The following PEMT variants were observed in gnomAD, a reference collection of about 807,000 sequenced individuals.
PEMT encodes phosphatidylethanolamine N-methyltransferase, also known as phospholipid methyltransferase.
A neutral mutation model predicts 27.4 loss-of-function variants in PEMT; 23 were observed. The ratio of observed to expected loss-of-function variants is 0.84; its 90% CI spans 0.60 to 1.19. The LOEUF (loss-of-function observed/expected upper bound fraction) is 1.19, where lower values mean the gene tolerates loss of function less well. Among genes scored for constraint, PEMT ranks in the 50% most tolerant of loss-of-function variants. PEMT has a pLI of 0.00. For synonymous variants in PEMT, 137 were observed against 139.1 expected, an observed-to-expected ratio of 0.98 and a Z score of 0.11; for missense variants, 307 against 310.1, an observed-to-expected ratio of 0.99 and a Z score of 0.07.
chr17:17,564,038 T>G (rs1910662997), intron 2 of PEMT, among the ~76,000 whole-genome samples: 1 of 128,530 alleles, frequency 7.8e-6, no homozygotes, highest in Non-Finnish European at 1.9e-5. Flanking sequence ...TTCTTCCTCC[T>G]GAGTCTTGGG....
chr17:17,584,897 G>A (rs1442751229), intron 1 of PEMT, among the ~76,000 whole-genome samples: 1 of 152,216 alleles, frequency 6.6e-6, no homozygotes, highest in African/African-American at 2.4e-5. Context: ...GCCATGGGAC[G>A]CCAGGAGGAT....
chr17:17,558,457 G>A (rs780039702), intron 2 of PEMT, among the ~76,000 whole-genome samples: 7 of 151,810 alleles, frequency 4.6e-5, no homozygotes, highest in Non-Finnish European at 7.4e-5. Flanking sequence ...GCAGTGAGCT[G>A]AGATCGTGCC....
rs1257137006 is a variant in PEMT at position 17,586,208 on chromosome 17, A to AAG, written c.96+5321_96+5322dup. ...AGAAAAAGAAGGAAGGAAAGAAAGA[A>AAG]AGAAAGAAAAAGAAAGAAAGAAAGA... On this transcript the variant is annotated intron_variant, in intron 1 of 6. Transcript: ENST00000255389. 3.5e-5 allele frequency among the ~76,000 whole-genome samples: 5 copies of AAG among 141,718 alleles called. 2 individuals are homozygous for AAG. The highest frequency in any genetic ancestry group is 8.6e-5 in the African/African-American group (3 of 34,868). 93.0% of individuals were successfully genotyped at this position (141,718 alleles called of 152,430 possible).
intron 1 of PEMT, 50 bp downstream of exon 1, chr17:17,591,481 C>T (rs552511649): frequency 2.1e-6 from 3 of 1,461,496 alleles, no homozygotes; most frequent in Non-Finnish European, 1.9e-6. Flanking sequence ...GCCCCTCGGG[C>T]CTTGCAGATC....
chr17:17,547,993 C>A (rs189175021), intron 2 of PEMT, among the ~76,000 whole-genome samples: 4 of 152,196 alleles, frequency 2.6e-5, no homozygotes, highest in Non-Finnish European at 4.4e-5. Context: ...AGAGCCAGTG[C>A]GCAGGCCACC....
At chr17:17,558,096 C>G (rs1451193491) in intron 2 of PEMT, among the ~76,000 whole-genome samples, 1 of 152,178 alleles carries the variant, frequency 6.6e-6, no homozygotes, top group Non-Finnish European at 1.5e-5. Context: ...AGTCCCAGCA[C>G]TTTGGGAGGG....
chr17:17,551,951 C>T (rs887954715), intron 2 of PEMT, among the ~76,000 whole-genome samples: 1 of 152,232 alleles, frequency 6.6e-6, no homozygotes, highest in Non-Finnish European at 1.5e-5. Context: ...GCCTGTAATC[C>T]TTGCACTTTG....
intron 2 of PEMT, among the ~76,000 whole-genome samples, chr17:17,535,497 C>T (rs1342758699): frequency 6.6e-6 from 1 of 150,704 alleles, no homozygotes; most frequent in Non-Finnish European, 1.5e-5. Context: ...ACCCAGGAGA[C>T]GAGGTTACAG....
chr17:17,577,517 G>C (rs1475046480), intron 1 of PEMT: 4 of 999,142 alleles, frequency 4.0e-6, no homozygotes, highest in Non-Finnish European at 4.8e-6. Context: ...GAGTGGGGCG[G>C]GGTAAACTGA....
At chr17:17,518,297 C>CGGGG in intron 3 of PEMT, 3 of 320,536 alleles carry the variant, frequency 9.4e-6, no homozygotes, top group Non-Finnish European at 1.3e-5. Flanking sequence ...CGCCCACCCC[C>CGGGG]GTGGGCTTTC....
chr17:17,589,349 G>C (rs1330730341), intron 1 of PEMT, among the ~76,000 whole-genome samples: 1 of 151,930 alleles, frequency 6.6e-6, no homozygotes, highest in Non-Finnish European at 1.5e-5. Flanking sequence ...AGCTGGTGGA[G>C]GGCATGGTAC....
chr17:17,516,325 C>G (rs1906833325), intron 3 of PEMT, among the ~76,000 whole-genome samples: 1 of 148,980 alleles, frequency 6.7e-6, no homozygotes, highest in Admixed American at 6.6e-5. Context: ...CTATGCAACC[C>G]CCGAGACCAT....
intron 2 of PEMT, among the ~76,000 whole-genome samples, chr17:17,543,432 G>A (rs1909030228): frequency 6.6e-6 from 1 of 152,232 alleles, no homozygotes; most frequent in Non-Finnish European, 1.5e-5. Context: ...CACTGGGAAG[G>A]TGGCTGCCCT....
intron 1 of PEMT, among the ~76,000 whole-genome samples, chr17:17,583,232 C>T (rs1485921012): frequency 6.6e-6 from 1 of 151,572 alleles, no homozygotes; most frequent in Non-Finnish European, 1.5e-5. Flanking sequence ...CAAAAATAGC[C>T]AGACGTGGTG....
In PEMT at chr17:17,512,272, C is replaced by A. The variant is rs1183849718; in HGVS notation, c.466+237G>T. Reference sequence around the variant, plus strand: ...AGCTGGAGAGAAGCAGCAGGAGCTGCCTTCACTCCCCAGGAGGCAGCCGCT... The same window carrying A: ...AGCTGGAGAGAAGCAGCAGGAGCTGACTTCACTCCCCAGGAGGCAGCCGCT... On this transcript the variant is annotated intron_variant, in intron 4 of 6. Coordinates refer to ENST00000255389, the MANE Select transcript of PEMT (RefSeq NM_148172.3). This position sits in a 1 kb window ranked among gnomAD's most constrained non-coding sequence, Gnocchi z 6.3. Among the ~76,000 whole-genome samples, 2 of 152,232 alleles carry A rather than the reference C, an allele frequency of 1.3e-5. No homozygotes were observed. The highest frequency in any genetic ancestry group is 2.9e-5 in the Non-Finnish European group (2 of 68,046).
intron 1 of PEMT, among the ~76,000 whole-genome samples, chr17:17,586,277 A>AAAGAAAGAAAGG (rs1567759472): frequency 1.8e-5 from 2 of 111,338 alleles, no homozygotes; most frequent in African/African-American, 9.2e-5. Context: ...AGAAAGAAAG[A>AAAGAAAGAAAGG]AAGAAAGAAA....
intron 2 of PEMT, among the ~76,000 whole-genome samples, chr17:17,534,907 ATTTT>A (rs1908349176): frequency 7.0e-6 from 1 of 143,094 alleles, no homozygotes; most frequent in African/African-American, 2.9e-5. Context: ...ATTTTATTTT[ATTTT>A]ATTTTATTTT....
intron 2 of PEMT, among the ~76,000 whole-genome samples, chr17:17,566,985 C>CCGCA (rs1431273969): frequency 6.6e-6 from 1 of 152,256 alleles, no homozygotes; most frequent in African/African-American, 2.4e-5. Flanking sequence ...CTGCCCAGGG[C>CCGCA]CGCACGCTGC....
chr17:17,569,184 G>C (rs1171911788), intron 2 of PEMT, among the ~76,000 whole-genome samples: 1 of 152,218 alleles, frequency 6.6e-6, no homozygotes, highest in South Asian at 2.1e-4. Context: ...ACAGACATAA[G>C]GCCTGCTGCC....
Sources: allele counts gnomAD v4.1 joint callset (sites outside exome capture counted in the v4.1 genomes callset), GRCh38; gene constraint gnomAD v4.1.1; non-coding constraint Gnocchi (gnomAD v3.1); transcripts MANE v1.5; gene names NCBI Gene and HGNC (gene_info 2026-07-23, HGNC 2026-07-21).